The following CRIM1 variants were observed in gnomAD, a reference collection of about 807,000 sequenced individuals.
CRIM1 encodes cysteine-rich motor neuron 1 protein.
In CRIM1, 32 loss-of-function variants were observed where a neutral mutation model predicts 116.4. The observed-to-expected ratio is 0.27, with a 90% CI of 0.21 to 0.37. CRIM1 has a LOEUF of 0.37. Among genes scored for constraint, CRIM1 ranks in the 10% least tolerant of loss-of-function variants. The pLI is 1.00. For synonymous variants in CRIM1, 590 were observed against 509.2 expected (o/e 1.16, Z -2.13); for missense variants, 1,331 against 1,354.8 (o/e 0.98, Z 0.28).
At chr2:36,417,705 T>G (rs970071102) in intron 2 of CRIM1, among the ~76,000 whole-genome samples, 6 of 152,184 alleles carry the variant, frequency 3.9e-5, no homozygotes, top group Non-Finnish European at 8.8e-5. Flanking sequence ...CAGTGAGCAT[T>G]TGAGTGATAA....
intron 13 of CRIM1, among the ~76,000 whole-genome samples, chr2:36,531,246 A>T (rs1296903596): frequency 6.6e-6 from 1 of 152,228 alleles, no homozygotes; most frequent in Non-Finnish European, 1.5e-5. Context: ...TGACCACCAG[A>T]TTTAGAAATT....
chr2:36,544,738 G>A (rs1382142731), intron 15 of CRIM1, among the ~76,000 whole-genome samples: 2 of 152,156 alleles, frequency 1.3e-5, no homozygotes, highest in Non-Finnish European at 2.9e-5. Context: ...GAGACTTTGT[G>A]ATGACGGAAA....
chr2:36,376,304 G>A (rs907698382), intron 1 of CRIM1, among the ~76,000 whole-genome samples: 1 of 152,196 alleles, frequency 6.6e-6, no homozygotes, highest in African/African-American at 2.4e-5. Context: ...TTCATTTACA[G>A]TGAAATGGAT....
In CRIM1 at chr2:36,522,320, C is replaced by G; in HGVS notation, c.2428+7C>G. ...TGTTGTCCCTACTGCATAGGTAAGA[C>G]CAAGGAAAAAAAAATCCCTCATCTC... On this transcript the variant is annotated splice_region_variant and intron_variant, in intron 13 of 16. Coordinates refer to ENST00000280527, the MANE Select transcript of CRIM1 (RefSeq NM_016441.3). 1 of 1,597,120 alleles carries G rather than the reference C, an allele frequency of 6.3e-7. No individual in the cohort carries two copies. Among genetic ancestry groups the G allele is most frequent in the Non-Finnish European group, 8.6e-7 (1 of 1,167,790 alleles).
At chr2:36,413,803 T>C (rs932362629) in intron 2 of CRIM1, among the ~76,000 whole-genome samples, 2 of 152,208 alleles carry the variant, frequency 1.3e-5, no homozygotes, top group African/African-American at 4.8e-5. Flanking sequence ...GAACCTAGTT[T>C]CATTACATAC....
At chr2:36,542,886 C>T (rs547918846) in intron 14 of CRIM1, among the ~76,000 whole-genome samples, 1 of 152,246 alleles carries the variant, frequency 6.6e-6, no homozygotes, top group East Asian at 1.9e-4. Context: ...GAATCAGGAC[C>T]TGTGAGAGTC....
At chr2:36,539,142 G>A (rs1017760020) in intron 14 of CRIM1, among the ~76,000 whole-genome samples, 2 of 152,210 alleles carry the variant, frequency 1.3e-5, no homozygotes, top group Admixed American at 6.5e-5. Context: ...AAGACAGAGA[G>A]GCTGGGGAGA....
At chr2:36,458,137 C>CCT (rs1255634701) in intron 4 of CRIM1, among the ~76,000 whole-genome samples, 1 of 152,176 alleles carries the variant, frequency 6.6e-6, no homozygotes, top group Non-Finnish European at 1.5e-5. Flanking sequence ...GACTTGTTTT[C>CCT]CTCTAGGATA....
chr2:36,407,916 A>AT (rs1375476945), intron 2 of CRIM1, among the ~76,000 whole-genome samples: 9 of 151,844 alleles, frequency 5.9e-5, no homozygotes, highest in Admixed American at 6.6e-5. Context: ...TCATTCATGG[A>AT]TTTTTTTTCA....
At chr2:36,359,107 T>C (rs1191167435) in intron 1 of CRIM1, among the ~76,000 whole-genome samples, 1 of 152,182 alleles carries the variant, frequency 6.6e-6, no homozygotes, top group Admixed American at 6.5e-5. Flanking sequence ...CCATTTTTAT[T>C]CAGAAATTCA....
At chr2:36,486,602 C>G (rs1679834856) in intron 7 of CRIM1, among the ~76,000 whole-genome samples, 1 of 152,122 alleles carries the variant, frequency 6.6e-6, no homozygotes, top group Non-Finnish European at 1.5e-5. Flanking sequence ...AAGTATTTCC[C>G]TGTTGAAGTG....
intron 2 of CRIM1, among the ~76,000 whole-genome samples, chr2:36,419,551 C>T (rs940304236): frequency 6.6e-6 from 1 of 152,182 alleles, no homozygotes; most frequent in Non-Finnish European, 1.5e-5. Context: ...TAATGTACCA[C>T]GTTCTTAGTA....
At chr2:36,381,823 A>G (rs1670799423) in intron 1 of CRIM1, among the ~76,000 whole-genome samples, 1 of 152,204 alleles carries the variant, frequency 6.6e-6, no homozygotes, top group African/African-American at 2.4e-5. Flanking sequence ...TTTTAGAGTA[A>G]AGCACACCCC....
At chr2:36,367,716 A>T (rs895086274) in intron 1 of CRIM1, among the ~76,000 whole-genome samples, 2 of 152,184 alleles carry the variant, frequency 1.3e-5, no homozygotes, top group Non-Finnish European at 2.9e-5. Flanking sequence ...AGAGGAAAAG[A>T]TCAAGAGTTC....
intron 2 of CRIM1, among the ~76,000 whole-genome samples, chr2:36,397,724 A>T (rs1006957443): frequency 6.6e-6 from 1 of 152,204 alleles, no homozygotes; most frequent in Admixed American, 6.5e-5. Flanking sequence ...TCCAAGTTAT[A>T]TTAAATGGTA....
Position 36,441,333 on chromosome 2 carries a change from T to C in CRIM1, c.581T>C (p.Ile194Thr). Reference sequence around the variant, plus strand: ...CGTTGTCCTGAAGATTCTGTTCTGATCGAGGGTTATGCTCCTCCTGGGGAG... The same window carrying C: ...CGTTGTCCTGAAGATTCTGTTCTGACCGAGGGTTATGCTCCTCCTGGGGAG... ...SPRCPEDSVL[I>T]EGYAPPGECC... The change falls in exon 3 of 17, where the codon ATC (isoleucine) becomes ACC (threonine). Residue 194 changes from isoleucine to threonine, a missense_variant. Coordinates refer to ENST00000280527, the MANE Select transcript of CRIM1 (RefSeq NM_016441.3). 6.2e-7 allele frequency: 1 copy of C among 1,614,194 alleles called. No individual in the cohort carries two copies.
At chr2:36,432,923 C>T (rs1168234752) in intron 2 of CRIM1, among the ~76,000 whole-genome samples, 2 of 152,064 alleles carry the variant, frequency 1.3e-5, no homozygotes, top group African/African-American at 4.8e-5. Context: ...CCGAGGTTGA[C>T]AGTCATTATT....
At chr2:36,477,131 C>G in intron 6 of CRIM1, 60 bp downstream of exon 6, 1 of 1,328,070 alleles carries the variant, frequency 7.5e-7, no homozygotes, top group Non-Finnish European at 1.0e-6. Flanking sequence ...GTTCTAAAAT[C>G]AAAATCGTCC....
At chr2:36,536,594 T>C (rs991765839) in intron 13 of CRIM1, among the ~76,000 whole-genome samples, 1 of 152,028 alleles carries the variant, frequency 6.6e-6, no homozygotes, top group Non-Finnish European at 1.5e-5. Flanking sequence ...GTGTGTGAAA[T>C]GTGGCCACTA....
Sources: allele counts gnomAD v4.1 joint callset (sites outside exome capture counted in the v4.1 genomes callset), GRCh38; gene constraint gnomAD v4.1.1; transcripts MANE v1.5; gene names NCBI Gene and HGNC (gene_info 2026-07-23, HGNC 2026-07-21).